The following PTPRD variants were observed in gnomAD, a reference collection of about 807,000 sequenced individuals.
PTPRD encodes the protein protein tyrosine phosphatase receptor type D.
Under a neutral mutation model 214.5 loss-of-function variants are expected in PTPRD, and 34 were observed. That is an observed-to-expected ratio of 0.16 (90% CI 0.12 to 0.21). PTPRD has a LOEUF of 0.21. Ranked by LOEUF, PTPRD falls within the 10% of genes least tolerant of loss-of-function variation. The pLI, the probability that PTPRD is intolerant of heterozygous loss-of-function variation, is 1.00. For missense variants in PTPRD, 2,545 were observed against 2,398.7 expected (o/e 1.06, Z -1.27); for synonymous variants, 1,128 against 845.7 (o/e 1.33, Z -5.79).
intron 2 of PTPRD, among the ~76,000 whole-genome samples, chr9:10,411,566 C>T (rs191190810): frequency 9.4e-4 from 142 of 151,802 alleles, no homozygotes; most frequent in Non-Finnish European, 1.5e-3. Context: ...ATCCTATGTT[C>T]CTAAATTAAC....
At chr9:9,936,630 C>G (rs1206569669) in intron 5 of PTPRD, among the ~76,000 whole-genome samples, 1 of 131,852 alleles carries the variant, frequency 7.6e-6, no homozygotes, top group East Asian at 2.7e-4. Context: ...GTTGGTGGGA[C>G]TGTAAACTAG....
intron 11 of PTPRD, among the ~76,000 whole-genome samples, chr9:8,991,003 C>G (rs2099364262): frequency 6.6e-6 from 1 of 151,706 alleles, no homozygotes; most frequent in South Asian, 2.1e-4. Flanking sequence ...CCACTTGAGG[C>G]TAGGAGTTTG....
chr9:8,484,087 T>G lies in PTPRD; in HGVS notation c.3413+32A>C, dbSNP rs777335869. On this transcript the variant is annotated intron_variant, in intron 30 of 45. Coordinates refer to ENST00000381196, the MANE Select transcript of PTPRD (RefSeq NM_002839.4). ...AATGTTCCTATTTACCTATAATTCTTTCCTTCAGCCCTAAGCCTTCAATCA... is the reference window on the plus strand; with the variant it reads ...AATGTTCCTATTTACCTATAATTCTGTCCTTCAGCCCTAAGCCTTCAATCA... The G allele has an allele frequency of 1.9e-6, 3 of 1,593,910 alleles. No individual in the cohort carries two copies. The East Asian group carries it at 6.7e-5, about 36-fold the overall frequency.
At chr9:10,535,798 G>C (rs1404118906) in intron 2 of PTPRD, among the ~76,000 whole-genome samples, 1 of 152,052 alleles carries the variant, frequency 6.6e-6, no homozygotes, top group Non-Finnish European at 1.5e-5. Context: ...CCTTGTGTCA[G>C]CAACTCTCCC....
At chr9:10,241,534 T>C (rs2091049122) in intron 3 of PTPRD, among the ~76,000 whole-genome samples, 1 of 151,930 alleles carries the variant, frequency 6.6e-6, no homozygotes, top group South Asian at 2.1e-4. Context: ...TAACAAACTA[T>C]TGATAAATAT....
Position 9,578,045 on chromosome 9 carries a change from C to CAAAAAAAAAAAA in PTPRD, c.-286-3276_-286-3265dup. 2.0e-5 allele frequency among the ~76,000 whole-genome samples: 2 copies of CAAAAAAAAAAAA among 102,422 alleles called. 1 individual carries two copies. Among genetic ancestry groups the CAAAAAAAAAAAA allele is most frequent in the Non-Finnish European group, 3.7e-5 (2 of 53,822 alleles). 67.2% of individuals were successfully genotyped at this position (102,422 alleles called of 152,430 possible). On this transcript the variant is annotated intron_variant, in intron 7 of 45. Transcript: ENST00000381196. ...TTGGTGACAGAGTAAGACTCTGTCTCAAAAAAAAAAAAAAAAAAAAAAAAA... is the reference window on the plus strand; with the variant it reads ...TTGGTGACAGAGTAAGACTCTGTCTCAAAAAAAAAAAAAAAAAAAAAAAAAAAAAAAAAAAAA...
intron 5 of PTPRD, among the ~76,000 whole-genome samples, chr9:9,853,226 T>C (rs1398200875): frequency 2.0e-5 from 3 of 152,256 alleles, no homozygotes; most frequent in Non-Finnish European, 4.4e-5. Flanking sequence ...TCTATGGTTA[T>C]AAGCAGCATA....
intron 7 of PTPRD, among the ~76,000 whole-genome samples, chr9:9,615,987 C>T (rs867546384): frequency 2.0e-5 from 3 of 152,100 alleles, no homozygotes; most frequent in Admixed American, 6.5e-5. Flanking sequence ...GACTAATGAA[C>T]GTAATATTTT....
intron 26 of PTPRD, among the ~76,000 whole-genome samples, chr9:8,493,416 G>C (rs1481920089): frequency 1.3e-5 from 2 of 152,168 alleles, no homozygotes; most frequent in African/African-American, 4.8e-5. Context: ...TTCCATTAAA[G>C]AGTGATTATT....
intron 5 of PTPRD, among the ~76,000 whole-genome samples, chr9:9,924,121 G>C (rs187431489): frequency 2.9e-4 from 44 of 152,074 alleles, no homozygotes; most frequent in South Asian, 2.5e-3. Flanking sequence ...ATGTAAATAG[G>C]AAATAATGAT....
chr9:8,732,166 A>G (rs1598260801), intron 12 of PTPRD, among the ~76,000 whole-genome samples: 1 of 152,216 alleles, frequency 6.6e-6, no homozygotes, highest in African/African-American at 2.4e-5. Flanking sequence ...CACAATTTTA[A>G]AAGTCTTCCT....
intron 2 of PTPRD, among the ~76,000 whole-genome samples, chr9:10,430,116 C>G (rs900977768): frequency 6.6e-6 from 1 of 151,792 alleles, no homozygotes; most frequent in African/African-American, 2.4e-5. Context: ...TGTAGAACAA[C>G]CTTCATGTAT....
At chr9:9,657,478 C>G (rs1466508479) in intron 7 of PTPRD, among the ~76,000 whole-genome samples, 1 of 152,092 alleles carries the variant, frequency 6.6e-6, no homozygotes, top group Non-Finnish European at 1.5e-5. Context: ...GGTGGGATAG[C>G]ATTAGGAGAA....
At chr9:9,543,461 A>G (rs2078068734) in intron 8 of PTPRD, among the ~76,000 whole-genome samples, 2 of 151,698 alleles carry the variant, frequency 1.3e-5, no homozygotes, top group South Asian at 2.1e-4. Flanking sequence ...CACTTAATAT[A>G]ATTGTTTTTA....
chr9:8,406,389 G>A (rs774723350), intron 35 of PTPRD, among the ~76,000 whole-genome samples: 1 of 152,070 alleles, frequency 6.6e-6, no homozygotes, highest in Non-Finnish European at 1.5e-5. Context: ...CGGAACATTG[G>A]TATCTGTTGT....
rs557728226 is a variant in PTPRD, at chr9:10,248,835, AC to A, written c.-545+92127del. ...GGAATAAAAAGATGACTAAAATATG[AC>A]CCCTGTACATAAGCTTCTTATGCAC... On this transcript the variant is annotated intron_variant, in intron 3 of 45. Transcript: ENST00000381196. Among the ~76,000 whole-genome samples, 31 of 151,440 alleles carry A rather than the reference AC, an allele frequency of 2.0e-4. 1 individual carries two copies. The South Asian group carries it at 6.5e-3, about 32-fold the overall frequency.
intron 3 of PTPRD, among the ~76,000 whole-genome samples, chr9:10,073,092 G>A (rs1013119803): frequency 1.3e-5 from 2 of 152,088 alleles, no homozygotes; most frequent in East Asian, 3.9e-4. Flanking sequence ...AAACTATAGA[G>A]ATAGTAAAGA....
chr9:9,467,213 C>CGTTTTTTTTTTTTTTT (rs1295163512), intron 8 of PTPRD, among the ~76,000 whole-genome samples: 1 of 92,902 alleles, frequency 1.1e-5, no homozygotes, highest in Non-Finnish European at 2.1e-5. Flanking sequence ...GTTCATTTAT[C>CGTTTTTTTTTTTTTTT]TTTTTTTTTT....
chr9:10,046,409 G>A (rs907757642), intron 3 of PTPRD, among the ~76,000 whole-genome samples: 11 of 151,632 alleles, frequency 7.3e-5, no homozygotes, highest in African/African-American at 2.4e-4. Context: ...GTTGTTTCAG[G>A]GATTTAGAAA....
Sources: allele counts gnomAD v4.1 joint callset (sites outside exome capture counted in the v4.1 genomes callset), GRCh38; gene constraint gnomAD v4.1.1; transcripts MANE v1.5; gene names NCBI Gene and HGNC (gene_info 2026-07-23, HGNC 2026-07-21).